The following PCDHGB4 variants were observed in gnomAD, a reference collection of about 807,000 sequenced individuals.
The protein encoded by PCDHGB4 is protocadherin gamma subfamily B, 4.
Under a neutral mutation model 60.5 loss-of-function variants are expected in PCDHGB4, and 38 were observed. That is an observed-to-expected ratio of 0.63 (90% CI 0.48 to 0.82). The LOEUF is 0.82. Among genes scored for constraint, PCDHGB4 ranks in the 40% least tolerant of loss-of-function variants. The probability of loss-of-function intolerance (pLI) is 0.00; values close to 1 mark genes in which losing one functional copy is unlikely to be tolerated. For synonymous variants in PCDHGB4, 456 were observed against 509.7 expected, an observed-to-expected ratio of 0.89 and a Z score of 1.42; for missense variants, 1,109 against 1,209.6, an observed-to-expected ratio of 0.92 and a Z score of 1.23.
chr5:141,478,599 T>A, intron 1 of PCDHGB4: 1 of 1,565,814 alleles, frequency 6.4e-7, no homozygotes, highest in Non-Finnish European at 8.7e-7. Flanking sequence ...TATTCCTACA[T>A]CATATTGAGG....
In PCDHGB4 at chr5:141,426,319, C is replaced by A. The variant is rs572457971; in HGVS notation, c.2397+36038C>A. On this transcript the variant is annotated intron_variant, in intron 1 of 3. Coordinates refer to ENST00000519479, the MANE Select transcript of PCDHGB4 (RefSeq NM_003736.4). ...CAGGGTGAAGCAGAGAAGCAGGACC[C>A]GGCAGTGGCAAGCACTCTTCCCTTT... 9 of 175,482 alleles carry A rather than the reference C, an allele frequency of 5.1e-5. No homozygotes were observed. In the East Asian group the frequency reaches 6.8e-4, roughly 13 times the overall value. The allele number at this position is 175,482 out of a possible 1,614,324, so 10.9% of individuals were successfully genotyped here.
intron 1 of PCDHGB4, chr5:141,399,822 C>T (rs755182775): frequency 1.2e-6 from 2 of 1,613,084 alleles, no homozygotes; most frequent in Admixed American, 3.3e-5. Context: ...CGCTGGGTCC[C>T]GACGGCTCTG....
At chr5:141,415,185 C>T (rs375113497) in intron 1 of PCDHGB4, 2 of 1,613,978 alleles carry the variant, frequency 1.2e-6, no homozygotes, top group Non-Finnish European at 8.5e-7. Flanking sequence ...CCGTGGCCGA[C>T]AGCATCCCCC....
intron 1 of PCDHGB4, chr5:141,422,211 C>G: frequency 6.4e-7 from 1 of 1,563,286 alleles, no homozygotes; most frequent in Non-Finnish European, 8.6e-7. Context: ...GTGGAGGTCT[C>G]TTTACCACCA....
In PCDHGB4 at chr5:141,511,028, T is replaced by G. The variant is rs1279056657; in HGVS notation, c.2627T>G (p.Leu876Arg). The G allele has an allele frequency of 3.7e-6, 6 of 1,614,084 alleles. No individual in the cohort carries two copies. The highest frequency in any genetic ancestry group is 1.7e-5 in the Admixed American group (1 of 60,004). ...LSARYGPQFT[L>R]QHVPDYRQNV... is the part of the protein sequence containing the mutation. The stretch of plus-strand genomic sequence containing the variant: ...GCCCGCTACGGACCCCAGTTCACCC[T>G]GCAGCACGTGCCCGACTACCGCCAG... Residue 876 changes from leucine to arginine, a missense_variant, in exon 4 of 4, where the codon CTG becomes CGG. Physicochemically the swap from Leu to Arg is moderately radical, Grantham distance 102. This residue lies in a region of PCDHGB4 where 1,068 missense variants were observed against 1,089.9 expected (regional missense o/e 0.98). Transcript: ENST00000519479.
intron 1 of PCDHGB4, chr5:141,478,693 G>A: frequency 6.4e-7 from 1 of 1,550,764 alleles, no homozygotes; most frequent in Non-Finnish European, 8.7e-7. Context: ...CTAGATCAAA[G>A]TTAGTGCCTT....
intron 1 of PCDHGB4, chr5:141,419,487 G>T: frequency 6.2e-7 from 1 of 1,612,378 alleles, no homozygotes. Context: ...CCCGCGCTCA[G>T]CGCCAATGTG....
rs760714983 is a variant in PCDHGB4 at position 141,389,956 on chromosome 5, T to C, written c.2072T>C (p.Val691Ala). 12 of 1,614,040 alleles carry C rather than the reference T, an allele frequency of 7.4e-6. No homozygotes were observed. In the South Asian group the frequency reaches 7.7e-5, roughly 10 times the overall value. Reference protein sequence around the residue: ...DLQAELQFYLVVALALISVLF... With the variant: ...DLQAELQFYLAVALALISVLF... ...CAGGCTGAGCTGCAGTTTTACCTAG[T>C]GGTGGCCTTGGCCTTGATCTCAGTG... is the stretch of plus-strand genomic sequence containing the variant. The change falls in exon 1 of 4, where the codon GTG becomes GCG. Residue 691 changes from valine (V) to alanine (A), a missense_variant. Around this residue, in one of 2 missense-constraint regions of PCDHGB4, gnomAD observed 1,068 missense variants for 1,089.9 expected, o/e 0.98. Coordinates refer to ENST00000519479, the MANE Select transcript of PCDHGB4 (RefSeq NM_003736.4).
chr5:141,443,848 G>A lies in PCDHGB4; in HGVS notation c.2398-50959G>A, dbSNP rs528933391. 2.6e-5 allele frequency among the ~76,000 whole-genome samples: 4 copies of A among 152,272 alleles called. No individual in the cohort carries two copies. The South Asian group carries it at 8.3e-4, about 32-fold the overall frequency. ...TTAGGTAAAATGGGTAATATGGAAA[G>A]TCTGAAAACTGAAAAAATTACTGAT... On this transcript the variant is annotated intron_variant, in intron 1 of 3. Transcript: ENST00000519479.
At chr5:141,469,012 C>T (rs1196140759) in intron 1 of PCDHGB4, among the ~76,000 whole-genome samples, 1 of 151,852 alleles carries the variant, frequency 6.6e-6, no homozygotes, top group Non-Finnish European at 1.5e-5. Flanking sequence ...TGCGGTGGGT[C>T]ACTCCTGTAA....
At chr5:141,468,330 CAAA>C (rs533390277) in intron 1 of PCDHGB4, 32,113 of 79,068 alleles carry the variant, frequency 0.41, 3,870 homozygotes, top group African/African-American at 0.52. Flanking sequence ...AACTCCATCT[CAAA>C]AAAAAAAAAA....
Position 141,389,877 on chromosome 5 carries a change from A to T in PCDHGB4, c.1993A>T (p.Ser665Cys). The change falls in exon 1 of 4, where the codon AGC becomes TGC. Residue 665 changes from serine (S) to cysteine (C), a missense_variant. Ser to Cys is a moderately radical substitution (Grantham distance 112). Around this residue, in one of 2 missense-constraint regions of PCDHGB4, gnomAD observed 1,068 missense variants for 1,089.9 expected, o/e 0.98. Coordinates refer to ENST00000519479, the MANE Select transcript of PCDHGB4 (RefSeq NM_003736.4). The part of the protein sequence containing the change: ...TATLHLVFAD[S>C]LQEVLPDITD... ...CACGTTGCACCTGGTCTTCGCCGAC[A>T]GCTTGCAGGAGGTGCTGCCGGATAT... The T allele has an allele frequency of 6.2e-7, 1 of 1,614,088 alleles. No homozygotes were observed. Among genetic ancestry groups the T allele is most frequent in the South Asian group, 1.1e-5 (1 of 91,086 alleles).
chr5:141,500,173 T>G (rs1666567886), intron 2 of PCDHGB4, among the ~76,000 whole-genome samples: 1 of 149,340 alleles, frequency 6.7e-6, no homozygotes, highest in East Asian at 1.9e-4. Context: ...ATGCATGAGC[T>G]TCATTTTTAT....
At chr5:141,479,849 C>T (rs1014214860) in intron 1 of PCDHGB4, among the ~76,000 whole-genome samples, 7 of 152,208 alleles carry the variant, frequency 4.6e-5, no homozygotes. Context: ...AAGGTGACTG[C>T]AAGGCCTTTG....
At chr5:141,419,261 G>C (rs758952830) in intron 1 of PCDHGB4, 16 of 1,613,982 alleles carry the variant, frequency 9.9e-6, no homozygotes, top group Non-Finnish European at 1.3e-5. Context: ...CAACCAGCCG[G>C]GTGCCTCCAT....
At position 141,403,603 on chromosome 5, in the gene PCDHGB4, C is replaced by T. The variant is rs2094431906; in HGVS notation, c.2397+13322C>T. On this transcript the variant is annotated intron_variant, in intron 1 of 3. Coordinates refer to ENST00000519479, the MANE Select transcript of PCDHGB4 (RefSeq NM_003736.4). ...ACCTGGTCCTCACGGCCTCGGATGG[C>T]GGCGAGCCGCGTCGCTCCAGCACAG... 4 of 1,613,762 alleles carry T rather than the reference C, an allele frequency of 2.5e-6. No individual in the cohort carries two copies. The East Asian group carries it at 8.9e-5, about 36-fold the overall frequency.
intron 1 of PCDHGB4, among the ~76,000 whole-genome samples, chr5:141,457,190 G>A (rs2098913282): frequency 6.6e-6 from 1 of 152,200 alleles, no homozygotes; most frequent in African/African-American, 2.4e-5. Context: ...GTAGAGTGAG[G>A]AAAGCAGTTC....
rs767291767 is a variant in PCDHGB4, at chr5:141,487,668, T to C, written c.2398-7139T>C. ...CTTGAGGGTTATTCTGATCCAGGCA[T>C]ATGGCTAGGCCATGTCCTAGAGAGT... is the stretch of plus-strand genomic sequence containing the variant. On this transcript the variant is annotated intron_variant, in intron 1 of 3. Transcript: ENST00000519479. The surrounding 1 kb of genome is among the most constrained non-coding windows in gnomAD (Gnocchi z 5.0). 1.9e-6 allele frequency: 3 copies of C among 1,612,658 alleles called. No homozygotes were observed. Among genetic ancestry groups the C allele is most frequent in the South Asian group, 1.1e-5 (1 of 90,650 alleles).
chr5:141,408,985 G>A, intron 1 of PCDHGB4: 1 of 1,613,966 alleles, frequency 6.2e-7, no homozygotes, highest in South Asian at 1.1e-5. Context: ...GGTCCCCTGT[G>A]TTGCAAGTGA....
Sources: allele counts gnomAD v4.1 joint callset (sites outside exome capture counted in the v4.1 genomes callset), GRCh38; gene constraint gnomAD v4.1.1; regional missense constraint gnomAD v4.1.1; non-coding constraint Gnocchi (gnomAD v3.1); transcripts MANE v1.5; gene names NCBI Gene and HGNC (gene_info 2026-07-23, HGNC 2026-07-21).